The following EBF1 variants were observed in gnomAD, a reference collection of about 807,000 sequenced individuals.
EBF1 encodes the protein EBF transcription factor 1, also known as transcription factor COE1.
EBF1 carries 10 observed loss-of-function variants against 68.4 expected under a neutral mutation model. The ratio of observed to expected loss-of-function variants is 0.15; its 90% confidence interval spans 0.09 to 0.25. The LOEUF is 0.25. Ranked by LOEUF, EBF1 falls within the 10% of genes least tolerant of loss-of-function variation. The probability of loss-of-function intolerance (pLI) is 1.00; values close to 1 mark genes in which losing one functional copy is unlikely to be tolerated. For missense variants in EBF1, 509 were observed against 794.4 expected (o/e 0.64, Z 4.32); for synonymous variants, 298 against 299.8 (o/e 0.99, Z 0.06).
In EBF1 at chr5:158,796,379, T is replaced by C. The variant is rs775387850; in HGVS notation, c.875A>G (p.Gln292Arg). 4 of 1,613,752 alleles carry C rather than the reference T, an allele frequency of 2.5e-6. No individual in the cohort carries two copies. The highest frequency in any genetic ancestry group is 1.1e-5 in the South Asian group (1 of 91,024). The change falls in exon 9 of 16, where the codon CAG (glutamine) becomes CGG (arginine). Residue 292 changes from glutamine (Q) to arginine (R), a missense_variant. By Grantham distance (43) the Gln-to-Arg change is conservative (BLOSUM62 1). Around this residue, in one of 3 missense-constraint regions of EBF1, gnomAD observed 230 missense variants for 467.7 expected, o/e 0.49. Coordinates refer to ENST00000313708, the MANE Select transcript of EBF1 (RefSeq NM_024007.5). ...IIGDNFFDGLQVIFGTMLVWS... is the reference protein window; with the variant it reads ...IIGDNFFDGLRVIFGTMLVWS... ...GACCAGCATGGTACCGAATATGACC[T>C]GTAACCCATCAAAGAAATTGTCCCC...
intron 6 of EBF1, among the ~76,000 whole-genome samples, chr5:159,019,382 T>C (rs1488129928): frequency 6.6e-6 from 1 of 152,202 alleles, no homozygotes; most frequent in Non-Finnish European, 1.5e-5. Flanking sequence ...AACTAAATAA[T>C]ATCCTAGACT....
In EBF1 at chr5:158,712,311, G is replaced by A. The variant is rs574867896; in HGVS notation, c.1392C>T (p.Ser464=). ...TCGGCACGTACCCGTGTGGTGATAC[G>A]CTGCTTGAGTTGCGGGTGAAACCTG... is the stretch of plus-strand genomic sequence containing the variant. The part of the protein sequence containing the change: ...TNQGFTRNSS[S]VSPHGYVPST... The change falls in exon 14 of 16, where the codon AGC becomes AGT. Residue 464 remains serine, a synonymous_variant. Transcript: ENST00000313708. The A allele has an allele frequency of 1.2e-6, 2 of 1,613,888 alleles. No homozygotes were observed. The highest frequency in any genetic ancestry group is 8.5e-7 in the Non-Finnish European group (1 of 1,179,980).
intron 11 of EBF1, among the ~76,000 whole-genome samples, chr5:158,729,803 A>T (rs1021890277): frequency 6.6e-6 from 1 of 152,214 alleles, no homozygotes; most frequent in Non-Finnish European, 1.5e-5. Context: ...TTTTTCCCTC[A>T]AAGTCAAGAT....
intron 15 of EBF1, among the ~76,000 whole-genome samples, chr5:158,704,295 C>T (rs528004485): frequency 5.3e-5 from 8 of 152,260 alleles, no homozygotes; most frequent in East Asian, 1.9e-4. Context: ...GTGTAGTAAC[C>T]GGAGGAGACT....
intron 6 of EBF1, among the ~76,000 whole-genome samples, chr5:158,906,244 C>T (rs1399568308): frequency 6.6e-6 from 1 of 150,634 alleles, no homozygotes; most frequent in East Asian, 1.9e-4. Flanking sequence ...CACTATCCCA[C>T]CTATAACAGA....
At chr5:159,057,171 A>G (rs1443967875) in intron 6 of EBF1, among the ~76,000 whole-genome samples, 2 of 136,926 alleles carry the variant, frequency 1.5e-5, no homozygotes, top group Non-Finnish European at 3.0e-5. Context: ...CAATGGCACC[A>G]TCTTGGCTCA....
At chr5:158,903,885 C>T (rs1333419979) in intron 6 of EBF1, among the ~76,000 whole-genome samples, 1 of 152,094 alleles carries the variant, frequency 6.6e-6, no homozygotes, top group Non-Finnish European at 1.5e-5. Flanking sequence ...TCCTTCCCCA[C>T]CCCGTGAGGT....
intron 6 of EBF1, among the ~76,000 whole-genome samples, chr5:158,911,204 T>C (rs1406556465): frequency 2.0e-5 from 3 of 152,216 alleles, no homozygotes; most frequent in Non-Finnish European, 4.4e-5. Context: ...AATCGCTGAA[T>C]ACTAAAACTA....
chr5:158,756,257 T>G, intron 10 of EBF1, among the ~76,000 whole-genome samples: 1 of 152,086 alleles, frequency 6.6e-6, no homozygotes, highest in East Asian at 1.9e-4. Context: ...TCTGACCAAG[T>G]GTGAGAATTT....
chr5:159,093,413 T>G (rs1345853439), intron 4 of EBF1, among the ~76,000 whole-genome samples: 1 of 152,196 alleles, frequency 6.6e-6, no homozygotes, highest in African/African-American at 2.4e-5. Context: ...ATTTATAATT[T>G]TGACTTTTAC....
intron 4 of EBF1, among the ~76,000 whole-genome samples, chr5:159,091,313 G>C (rs956698029): frequency 2.0e-5 from 3 of 152,062 alleles, no homozygotes; most frequent in Non-Finnish European, 4.4e-5. Context: ...TTCACCCCCA[G>C]ACTCCAAACA....
At chr5:158,841,024 A>T (rs1334209607) in intron 6 of EBF1, among the ~76,000 whole-genome samples, 1 of 152,152 alleles carries the variant, frequency 6.6e-6, no homozygotes, top group Non-Finnish European at 1.5e-5. Flanking sequence ...GTGATTGAAT[A>T]AAGATTTTCC....
At chr5:158,841,570 C>T (rs1345215557) in intron 6 of EBF1, among the ~76,000 whole-genome samples, 1 of 152,200 alleles carries the variant, frequency 6.6e-6, no homozygotes, top group African/African-American at 2.4e-5. Context: ...GTAAAATCCC[C>T]ATCTCAACAC....
chr5:158,863,695 T>C (rs1049976893), intron 6 of EBF1, among the ~76,000 whole-genome samples: 2 of 152,178 alleles, frequency 1.3e-5, no homozygotes, highest in East Asian at 3.9e-4. Flanking sequence ...ACAAAAAACA[T>C]CTGCAGCTTT....
intron 6 of EBF1, among the ~76,000 whole-genome samples, chr5:158,959,450 C>A (rs1226235063): frequency 2.0e-5 from 3 of 151,954 alleles, no homozygotes; most frequent in Non-Finnish European, 4.4e-5. Context: ...TGCCACCACA[C>A]CTGGAAGATT....
chr5:159,019,953 A>T, intron 6 of EBF1, among the ~76,000 whole-genome samples: 1 of 152,198 alleles, frequency 6.6e-6, no homozygotes, highest in Admixed American at 6.5e-5. Context: ...TAAGCTAAGG[A>T]TAAAAAAGAA....
intron 6 of EBF1, among the ~76,000 whole-genome samples, chr5:158,873,287 A>C (rs1224632752): frequency 6.6e-6 from 1 of 152,144 alleles, no homozygotes; most frequent in Non-Finnish European, 1.5e-5. Context: ...TACCCCCACT[A>C]GCATCTTAGA....
chr5:158,930,265 T>G (rs74457090), intron 6 of EBF1, among the ~76,000 whole-genome samples: 7 of 107,032 alleles, frequency 6.5e-5, no homozygotes, highest in Admixed American at 1.8e-4. Flanking sequence ...TTTTTGTTTT[T>G]TTTTTTGTTT....
At chr5:158,745,584 G>A (rs377283527) in intron 10 of EBF1, among the ~76,000 whole-genome samples, 21 of 152,312 alleles carry the variant, frequency 1.4e-4, no homozygotes, top group East Asian at 1.2e-3. Context: ...AAGAGCTGAA[G>A]AGACTAGACC....
Sources: gnomAD v4.1 joint callset for allele counts (sites outside exome capture counted in the v4.1 genomes callset) on GRCh38, gnomAD v4.1.1 for gene constraint, gnomAD v4.1.1 regional missense constraint, MANE v1.5 for transcripts, NCBI Gene and HGNC (gene_info 2026-07-23, HGNC 2026-07-21) for gene names.